The following MYO16 variants were observed in gnomAD, a reference collection of about 807,000 sequenced individuals.
MYO16 encodes the protein unconventional myosin-XVI.
MYO16 carries 94 observed loss-of-function variants against 205.3 expected under a neutral mutation model. The ratio of observed to expected loss-of-function variants is 0.46; its 90% CI spans 0.39 to 0.54. The LOEUF (loss-of-function observed/expected upper bound fraction) is 0.54. Ranked by LOEUF, MYO16 falls within the 20% of genes least tolerant of loss-of-function variation. The pLI is 0.00. For synonymous variants in MYO16, 988 were observed against 954.0 expected (o/e 1.04, Z -0.66); for missense variants, 2,315 against 2,387.5 (o/e 0.97, Z 0.63).
At chr13:108,864,997 TA>T (rs908735789) in intron 11 of MYO16, among the ~76,000 whole-genome samples, 1 of 152,046 alleles carries the variant, frequency 6.6e-6, no homozygotes, top group Non-Finnish European at 1.5e-5. Flanking sequence ...TTCTTTTTTT[TA>T]AAAAAAGGGA....
At chr13:108,653,158 A>C (rs1180550999) in intron 1 of MYO16, among the ~76,000 whole-genome samples, 1 of 152,012 alleles carries the variant, frequency 6.6e-6, no homozygotes, top group Non-Finnish European at 1.5e-5. Context: ...GCATATCTTT[A>C]TATGCTTGTT....
intron 20 of MYO16, among the ~76,000 whole-genome samples, chr13:108,978,076 C>G (rs1463025454): frequency 6.6e-6 from 1 of 151,360 alleles, no homozygotes; most frequent in East Asian, 1.9e-4. Flanking sequence ...TTTTGTGTGG[C>G]TATAATGAGT....
At chr13:108,921,544 A>G (rs1281759408) in intron 16 of MYO16, among the ~76,000 whole-genome samples, 1 of 152,222 alleles carries the variant, frequency 6.6e-6, no homozygotes, top group African/African-American at 2.4e-5. Context: ...TGTCCTATTG[A>G]TATAGGACAT....
At chr13:109,143,330 A>G (rs1172415678) in intron 32 of MYO16, among the ~76,000 whole-genome samples, 1 of 152,184 alleles carries the variant, frequency 6.6e-6, no homozygotes, top group Non-Finnish European at 1.5e-5. Flanking sequence ...TTTATTCTTC[A>G]GACAAATAAG....
chr13:109,002,194 C>T (rs1403492431), intron 21 of MYO16, among the ~76,000 whole-genome samples: 3 of 152,210 alleles, frequency 2.0e-5, no homozygotes, highest in Non-Finnish European at 4.4e-5. Context: ...TTCCAATGTG[C>T]AGATAGGCTT....
At chr13:109,136,572 A>G (rs920940785) in intron 31 of MYO16, among the ~76,000 whole-genome samples, 1 of 152,166 alleles carries the variant, frequency 6.6e-6, no homozygotes, top group African/African-American at 2.4e-5. Context: ...GGCAACTTTA[A>G]CACTGCCTGG....
chr13:108,823,065 T>C (rs1165893617), intron 8 of MYO16, 60 bp from the exon 9 acceptor site: 18 of 1,433,290 alleles, frequency 1.3e-5, no homozygotes, highest in Non-Finnish European at 1.6e-5. Context: ...TGAAAGTAAA[T>C]AGATTTATGT....
At chr13:108,535,825 C>CA in the MYO16 span, among the ~76,000 whole-genome samples, 4 of 152,120 alleles carry the variant, frequency 2.6e-5, no homozygotes, top group South Asian at 4.1e-4. Context: ...CAGCTGCTTC[C>CA]AAAATACTAA....
the MYO16 span, among the ~76,000 whole-genome samples, chr13:108,496,551 G>T: frequency 6.6e-6 from 1 of 152,192 alleles, no homozygotes; most frequent in Non-Finnish European, 1.5e-5. Flanking sequence ...TCACCCGGGG[G>T]GCGTCGAGCC....
intron 4 of MYO16, among the ~76,000 whole-genome samples, chr13:108,771,666 T>C (rs1885969883): frequency 1.3e-5 from 2 of 152,192 alleles, no homozygotes; most frequent in Non-Finnish European, 2.9e-5. Context: ...CCGACCCATC[T>C]CCTGACAATT....
intron 9 of MYO16, among the ~76,000 whole-genome samples, chr13:108,832,718 A>G (rs529755488): frequency 1.3e-5 from 2 of 152,224 alleles, no homozygotes; most frequent in Non-Finnish European, 2.9e-5. Flanking sequence ...TTAAGCAATA[A>G]TAAATCATAT....
At chr13:108,889,070 AAAAG>A (rs1183085955) in intron 14 of MYO16, among the ~76,000 whole-genome samples, 1 of 151,926 alleles carries the variant, frequency 6.6e-6, no homozygotes, top group African/African-American at 2.4e-5. Flanking sequence ...AAAGAAAAGA[AAAAG>A]AAAGTGCACT....
chr13:108,635,701 T>C (rs943365249), intron 1 of MYO16, among the ~76,000 whole-genome samples: 2 of 152,078 alleles, frequency 1.3e-5, no homozygotes, highest in Non-Finnish European at 2.9e-5. Context: ...GTTTTCACCA[T>C]GTTGGTCAGG....
chr13:108,794,362 C>T (rs1205032993), intron 6 of MYO16, among the ~76,000 whole-genome samples: 1 of 152,198 alleles, frequency 6.6e-6, no homozygotes, highest in South Asian at 2.1e-4. Context: ...ATGCTTATGC[C>T]ACTACCCAAT....
chr13:108,886,978 G>A (rs1879929381), intron 13 of MYO16, among the ~76,000 whole-genome samples: 1 of 152,230 alleles, frequency 6.6e-6, no homozygotes, highest in Non-Finnish European at 1.5e-5. Flanking sequence ...TAAGATACAT[G>A]CTTTCTCCAT....
intron 16 of MYO16, among the ~76,000 whole-genome samples, chr13:108,936,521 A>G (rs1882497962): frequency 6.6e-6 from 1 of 152,248 alleles, no homozygotes; most frequent in South Asian, 2.1e-4. Context: ...AGAGCTATTT[A>G]TAACAGTCTG....
chr13:108,879,129 C>T (rs1879474008), intron 12 of MYO16, among the ~76,000 whole-genome samples: 2 of 152,168 alleles, frequency 1.3e-5, no homozygotes, highest in Non-Finnish European at 2.9e-5. Context: ...TTAGCACTTC[C>T]CCTGCTACTG....
chr13:108,807,088 TA>T (rs1887138424), intron 7 of MYO16, among the ~76,000 whole-genome samples: 1 of 152,232 alleles, frequency 6.6e-6, no homozygotes, highest in Non-Finnish European at 1.5e-5. Context: ...TCATATTATA[TA>T]GACTTCATAT....
At chr13:108,688,834 A>T (rs9514879) in intron 2 of MYO16, among the ~76,000 whole-genome samples, 74,588 of 151,964 alleles carry the variant, frequency 0.49, 18,828 homozygotes, top group East Asian at 0.64. Flanking sequence ...GAGTTACAAA[A>T]GTCACACAGT....
Sources: gnomAD v4.1 joint callset for allele counts (sites outside exome capture counted in the v4.1 genomes callset) on GRCh38, gnomAD v4.1.1 for gene constraint, MANE v1.5 for transcripts, NCBI Gene and HGNC (gene_info 2026-07-23, HGNC 2026-07-21) for gene names.